The following NFRKB variants were observed in gnomAD, a reference collection of about 807,000 sequenced individuals.
NFRKB encodes nuclear factor related to kappa-B-binding protein.
Under a neutral mutation model 135.7 loss-of-function variants are expected in NFRKB, and 62 were observed. The observed-to-expected ratio is 0.46, with a 90% confidence interval of 0.37 to 0.56. NFRKB has a LOEUF of 0.56. Ranked by LOEUF, NFRKB falls within the 20% of genes least tolerant of loss-of-function variation. NFRKB has a pLI of 0.00. For missense variants in NFRKB, 1,545 were observed against 1,662.0 expected (o/e 0.93, Z 1.22); for synonymous variants, 678 against 635.6 (o/e 1.07, Z -1.00).
At chr11:129,886,194 A>C in intron 5 of NFRKB, 123 bp downstream of exon 5, 1 of 1,078,302 alleles carries the variant, frequency 9.3e-7, no homozygotes. Flanking sequence ...TAACTGTGTC[A>C]CAGATTAATT....
intron 8 of NFRKB, among the ~76,000 whole-genome samples, chr11:129,883,453 G>A (rs1350056246): frequency 6.6e-6 from 1 of 152,112 alleles, no homozygotes. Context: ...AAGCTCTTCT[G>A]CATTCCTTGT....
intron 13 of NFRKB, among the ~76,000 whole-genome samples, chr11:129,879,625 A>G (rs757062035): frequency 7.9e-5 from 12 of 152,292 alleles, no homozygotes; most frequent in Non-Finnish European, 1.3e-4. Context: ...CCCAAGACTC[A>G]GGAAAACCCT....
intron 5 of NFRKB, among the ~76,000 whole-genome samples, chr11:129,885,875 TAA>T (rs1949252843): frequency 6.6e-6 from 1 of 152,214 alleles, no homozygotes; most frequent in Non-Finnish European, 1.5e-5. Flanking sequence ...CACCAAAGCT[TAA>T]AGGATGACTT....
intron 5 of NFRKB, 21 bp from the exon 6 acceptor site, chr11:129,885,630 G>T: frequency 6.3e-7 from 1 of 1,587,854 alleles, no homozygotes; most frequent in Non-Finnish European, 8.6e-7. Flanking sequence ...ATCAGGTGGG[G>T]GTACAAGTCA....
At chr11:129,886,786 A>G (rs1949300144) in intron 4 of NFRKB, among the ~76,000 whole-genome samples, 1 of 152,090 alleles carries the variant, frequency 6.6e-6, no homozygotes, top group South Asian at 2.1e-4. Flanking sequence ...GTTTCGGGGG[A>G]AACATGCCAG....
At chr11:129,864,937 T>C in intron 26 of NFRKB, 29 bp downstream of exon 26, 2 of 1,612,354 alleles carry the variant, frequency 1.2e-6, no homozygotes, top group Non-Finnish European at 1.7e-6. Context: ...AGGAGCCGGA[T>C]ATGGCCAAGA....
At position 129,883,177 on chromosome 11, in the gene NFRKB, C is replaced by G; in HGVS notation, c.846G>C (p.Leu282=). 6.2e-7 allele frequency: 1 copy of G among 1,614,116 alleles called. No homozygotes were observed. The highest frequency in any genetic ancestry group is 8.5e-7 in the Non-Finnish European group (1 of 1,180,022). ...PDHPDLLTGD[L]TLNDIMTRVN... ...CTCGAGTCATGATGTCATTGAGAGT[C>G]AGGTCCCCTGTCAAAAGGTCCGGGT... The change falls in exon 9 of 27, where the codon CTG becomes CTC. Residue 282 remains leucine (L), a synonymous_variant. Transcript: ENST00000682444.
rs189102330 is a variant in NFRKB at position 129,869,237 on chromosome 11, G to A, written c.3531+257C>T. 3.6e-4 allele frequency among the ~76,000 whole-genome samples: 55 copies of A among 152,320 alleles called. 3 individuals are homozygous for A. The East Asian group carries it at 0.011, about 29-fold the overall frequency. On this transcript the variant is annotated intron_variant, in intron 24 of 26. Transcript: ENST00000682444. ...TCTTTACCATTTGAAAAGAATGTAT[G>A]CAAGTATCATACTTTGATAAATTGT... is the stretch of plus-strand genomic sequence containing the variant.
At chr11:129,872,834 C>T (rs375593359) in intron 23 of NFRKB, 50 bp downstream of exon 23, 3 of 1,531,192 alleles carry the variant, frequency 2.0e-6, no homozygotes, top group Admixed American at 3.8e-5. Flanking sequence ...TCCAGTGGTC[C>T]CTGCTCCAGG....
Position 129,876,618 on chromosome 11 carries a change from T to C in NFRKB, c.1747+103A>G. 8.3e-6 allele frequency: 11 copies of C among 1,321,612 alleles called. No homozygotes were observed. In the South Asian group the frequency reaches 1.7e-4, roughly 21 times the overall value. 81.9% of individuals were successfully genotyped at this position (1,321,612 alleles called of 1,614,324 possible). A position where few individuals can be genotyped will look rare whatever the true frequency, so the allele number is the denominator to read the frequency against. On this transcript the variant is annotated intron_variant, in intron 17 of 26. Transcript: ENST00000682444. ...AAAACTATGCCTTGTTCTCAAAGCC[T>C]ACCCTGGGTGGAGGGGTAAGGAGAG...
intron 5 of NFRKB, among the ~76,000 whole-genome samples, 186 bp downstream of exon 5, chr11:129,886,131 T>A (rs1949265897): frequency 6.6e-6 from 1 of 152,222 alleles, no homozygotes; most frequent in South Asian, 2.1e-4. Flanking sequence ...TGTTTTAACA[T>A]CTCTGAAATC....
Position 129,865,016 on chromosome 11 carries a change from G to A in NFRKB, c.3724C>T (p.Leu1242Phe). The part of the protein sequence containing the change: ...LIAGNKPVSF[L>F]TAQQLQQLQQ... ...AGCTGCTGCAACTGCTGAGCAGTGA[G>A]GAAACTAACAGGCTTATTGCCAGCA... Residue 1242 changes from leucine (L) to phenylalanine (F), a missense_variant, in exon 26 of 27, where the codon CTC becomes TTC. By Grantham distance (22) the Leu-to-Phe change is conservative (BLOSUM62 0). This residue lies in a region of NFRKB where 753 missense variants were observed against 804.3 expected (regional missense o/e 0.94). Coordinates refer to ENST00000682444, the MANE Select transcript of NFRKB (RefSeq NM_001143835.2). 2 of 1,613,154 alleles carry A rather than the reference G, an allele frequency of 1.2e-6. No individual in the cohort carries two copies. Among genetic ancestry groups the A allele is most frequent in the Non-Finnish European group, 8.5e-7 (1 of 1,179,966 alleles).
chr11:129,880,448 T>C (rs901232757), intron 13 of NFRKB, among the ~76,000 whole-genome samples: 1 of 152,124 alleles, frequency 6.6e-6, no homozygotes, highest in Non-Finnish European at 1.5e-5. Flanking sequence ...GCCCGTGGGT[T>C]GTGTGGCTGT....
At chr11:129,868,981 T>C (rs184995647) in intron 24 of NFRKB, among the ~76,000 whole-genome samples, 73 of 144,168 alleles carry the variant, frequency 5.1e-4, no homozygotes, top group Admixed American at 7.4e-4. Context: ...GATCGTGCCA[T>C]TGCGCTCCAG....
chr11:129,888,406 A>G (rs946970851), intron 4 of NFRKB, 188 bp downstream of exon 4: 5 of 701,914 alleles, frequency 7.1e-6, no homozygotes, highest in Admixed American at 4.1e-5. Context: ...TATTTTCTAT[A>G]TAAGTCAATA....
rs1265666040 is a variant in NFRKB, at chr11:129,883,140, T to C, written c.883A>G (p.Arg295Gly). 1 of 1,614,136 alleles carries C rather than the reference T, an allele frequency of 6.2e-7. No homozygotes were observed. The highest frequency in any genetic ancestry group is 8.5e-7 in the Non-Finnish European group (1 of 1,180,004). Residue 295 changes from arginine to glycine, a missense_variant, in exon 9 of 27, where the codon AGG (arginine) becomes GGG (glycine). Transcript: ENST00000682444. ...CATTTACCTGCCAGAGAGCCCTTCCTGCCAGCATTTACTCGAGTCATGATG... is the reference window on the plus strand; with the variant it reads ...CATTTACCTGCCAGAGAGCCCTTCCCGCCAGCATTTACTCGAGTCATGATG... ...NDIMTRVNAG[R>G]KGSLAALYDL...
In NFRKB at chr11:129,873,807, T is replaced by A; in HGVS notation, c.2488A>T (p.Met830Leu). The A allele has an allele frequency of 2.5e-6, 4 of 1,614,170 alleles. No homozygotes were observed. The highest frequency in any genetic ancestry group is 3.4e-6 in the Non-Finnish European group (4 of 1,180,032). Residue 830 changes from methionine to leucine, a missense_variant, in exon 22 of 27, where the codon ATG becomes TTG. Around this residue, in one of 3 missense-constraint regions of NFRKB, gnomAD observed 753 missense variants for 804.3 expected, o/e 0.94. Transcript: ENST00000682444. Reference protein sequence around the residue: ...SGGPAQTLPQMPAGPQIRVPA... With the variant: ...SGGPAQTLPQLPAGPQIRVPA... ...ACCCGGATCTGCGGTCCTGCTGGCA[T>A]CTGTGGCAATGTCTGTGCCGGCCCT...
intron 13 of NFRKB, among the ~76,000 whole-genome samples, chr11:129,879,098 T>C (rs907744571): frequency 6.6e-6 from 1 of 152,130 alleles, no homozygotes; most frequent in Non-Finnish European, 1.5e-5. Context: ...CTCAGGTCAC[T>C]CTGTTCAGGC....
Position 129,881,799 on chromosome 11 carries a change from AGCT to A in NFRKB, c.1243_1245del (p.Ser415del). The A allele has an allele frequency of 6.2e-7, 1 of 1,613,686 alleles. No individual in the cohort carries two copies. The highest frequency in any genetic ancestry group is 1.3e-5 in the African/African-American group (1 of 75,024). On this transcript the variant is annotated inframe_deletion, in exon 12 of 27. Transcript: ENST00000682444. The stretch of plus-strand genomic sequence containing the variant: ...GCCCAGTTGGGGGCCGCAGAGAACC[AGCT>A]GTTGAGGGAGCTGGCTGGCGATGAC...
Sources: gnomAD v4.1 joint callset for allele counts (sites outside exome capture counted in the v4.1 genomes callset) on GRCh38, gnomAD v4.1.1 for gene constraint, gnomAD v4.1.1 regional missense constraint, MANE v1.5 for transcripts, NCBI Gene and HGNC (gene_info 2026-07-23, HGNC 2026-07-21) for gene names.